The following SLC25A33 variants were observed in gnomAD, a reference collection of about 807,000 sequenced individuals.
SLC25A33 encodes the protein solute carrier family 25 member 33.
In SLC25A33, 15 loss-of-function variants were observed where a neutral mutation model predicts 35.5. The ratio of observed to expected loss-of-function variants is 0.42; its 90% CI spans 0.28 to 0.65. The LOEUF (loss-of-function observed/expected upper bound fraction) is 0.65. Ranked by LOEUF, SLC25A33 falls within the 30% of genes least tolerant of loss-of-function variation. The probability of loss-of-function intolerance (pLI) is 0.20; values close to 1 mark genes in which losing one functional copy is unlikely to be tolerated. For synonymous variants in SLC25A33, 136 were observed against 148.7 expected, an observed-to-expected ratio of 0.91 and a Z score of 0.62; for missense variants, 257 against 398.5, an observed-to-expected ratio of 0.64 and a Z score of 3.02.
rs890223470 is a variant in SLC25A33, at chr1:9,572,594, C to T, written c.416-752C>T. Among the ~76,000 whole-genome samples, 7 of 151,848 alleles carry T rather than the reference C, an allele frequency of 4.6e-5. No individual in the cohort carries two copies. The East Asian group carries it at 9.7e-4, about 21-fold the overall frequency. ...GATCGCGCCACTGCACTCCAGCCTG[C>T]GACAGAGCAAGACTCCCATCTCAAA... is the stretch of plus-strand genomic sequence containing the variant. On this transcript the variant is annotated intron_variant, in intron 4 of 6. Coordinates refer to ENST00000302692, the MANE Select transcript of SLC25A33 (RefSeq NM_032315.3).
chr1:9,565,997 G>C (rs1290933740), intron 2 of SLC25A33, among the ~76,000 whole-genome samples: 4 of 151,986 alleles, frequency 2.6e-5, no homozygotes, highest in Non-Finnish European at 5.9e-5. Flanking sequence ...AAAATTATTA[G>C]TTTTCTATTC....
chr1:9,560,496 G>A (rs1473904106), intron 2 of SLC25A33, among the ~76,000 whole-genome samples: 5 of 151,992 alleles, frequency 3.3e-5, no homozygotes, highest in African/African-American at 4.8e-5. Flanking sequence ...CCCCGGAGGC[G>A]GAGGTTGCAG....
Position 9,567,138 on chromosome 1 carries a change from A to G in SLC25A33, c.237-146A>G, listed in dbSNP as rs1643519667. 4.3e-6 allele frequency: 3 copies of G among 699,086 alleles called. No homozygotes were observed. In the African/African-American group the frequency reaches 5.3e-5, roughly 12 times the overall value. 43.3% of individuals were successfully genotyped at this position (699,086 alleles called of 1,614,324 possible). ...GTATTCTACAGCCTTCCGATTCTGT[A>G]TTGTAACCAAATCAGATAAGAGTCG... On this transcript the variant is annotated intron_variant, in intron 2 of 6. Coordinates refer to ENST00000302692, the MANE Select transcript of SLC25A33 (RefSeq NM_032315.3).
In SLC25A33 at chr1:9,582,728, G is replaced by A. The variant is rs1271159881; in HGVS notation, c.*227G>A. ...TTTTTTTTAACTTAAGAGGATTCAG[G>A]GTTAAGCACCAACTAAATTAAATCA... On this transcript the variant is annotated 3_prime_UTR_variant, in exon 7 of 7. Transcript: ENST00000302692. The surrounding 1 kb of genome is among the most constrained non-coding windows in gnomAD (Gnocchi z 4.0). 6 of 514,446 alleles carry A rather than the reference G, an allele frequency of 1.2e-5. No homozygotes were observed. Among genetic ancestry groups the A allele is most frequent in the Non-Finnish European group, 1.4e-5 (4 of 293,892 alleles). 31.9% of individuals were successfully genotyped at this position (514,446 alleles called of 1,614,324 possible).
chr1:9,555,740 A>C (rs548295080), intron 2 of SLC25A33, among the ~76,000 whole-genome samples: 2 of 152,280 alleles, frequency 1.3e-5, no homozygotes, highest in African/African-American at 4.8e-5. Context: ...GCTGGAGTGC[A>C]GTGGTACGAT....
chr1:9,553,622 A>C lies in SLC25A33; in HGVS notation c.57-4A>C. On this transcript the variant is annotated splice_region_variant and splice_polypyrimidine_tract_variant and intron_variant, in intron 1 of 6. Transcript: ENST00000302692. ...TCTCTGATCTGCTTTGGTTTCCCTT[A>C]CAGGTGTGGAGGCACAGTTGGTGCT... 1 of 1,612,882 alleles carries C rather than the reference A, an allele frequency of 6.2e-7. No individual in the cohort carries two copies. Among genetic ancestry groups the C allele is most frequent in the African/African-American group, 1.3e-5 (1 of 74,998 alleles).
rs1643619430 is a variant in SLC25A33 at position 9,573,554 on chromosome 1, CT to C, written c.482+146del. 9 of 683,142 alleles carry C rather than the reference CT, an allele frequency of 1.3e-5. No homozygotes were observed. The South Asian group carries it at 1.5e-4, about 12-fold the overall frequency. 42.3% of individuals were successfully genotyped at this position (683,142 alleles called of 1,614,324 possible). On this transcript the variant is annotated intron_variant, in intron 5 of 6. Coordinates refer to ENST00000302692, the MANE Select transcript of SLC25A33 (RefSeq NM_032315.3). ...CTTAATCTAAGTGCACGCAGGATTCCTTTTGTGTTGAGGTTTGTGCTATAAG... is the reference window on the plus strand; with the variant it reads ...CTTAATCTAAGTGCACGCAGGATTCCTTTGTGTTGAGGTTTGTGCTATAAG...
At chr1:9,562,810 G>A (rs1273907933) in intron 2 of SLC25A33, among the ~76,000 whole-genome samples, 3 of 145,380 alleles carry the variant, frequency 2.1e-5, no homozygotes, top group Admixed American at 6.9e-5. Flanking sequence ...CCAAGATCGC[G>A]CCATTGCACT....
chr1:9,549,503 A>G, intron 1 of SLC25A33, among the ~76,000 whole-genome samples: 1 of 122,618 alleles, frequency 8.2e-6, no homozygotes, highest in East Asian at 2.9e-4. Context: ...GGTGGGATCA[A>G]CGGGGGGGAT....
intron 2 of SLC25A33, among the ~76,000 whole-genome samples, chr1:9,557,706 T>G (rs185773752): frequency 6.6e-6 from 1 of 152,212 alleles, no homozygotes. Flanking sequence ...TACTTATCAT[T>G]GTAAAAATGT....
chr1:9,567,659 G>A (rs1428756690), intron 3 of SLC25A33, among the ~76,000 whole-genome samples: 1 of 152,212 alleles, frequency 6.6e-6, no homozygotes, highest in African/African-American at 2.4e-5. Flanking sequence ...AGCAGCATTA[G>A]TATTGTATGA....
chr1:9,553,335 C>T (rs2100380291), intron 1 of SLC25A33, among the ~76,000 whole-genome samples: 1 of 150,490 alleles, frequency 6.6e-6, no homozygotes, highest in East Asian at 2.0e-4. Flanking sequence ...CGCCATTCTC[C>T]TGCCTCAGCC....
chr1:9,573,329 G>GTTT lies in SLC25A33; in HGVS notation c.416-7_416-5dup. 10 of 1,229,204 alleles carry GTTT rather than the reference G, an allele frequency of 8.1e-6. No individual in the cohort carries two copies. Among genetic ancestry groups the GTTT allele is most frequent in the South Asian group, 2.8e-5 (2 of 70,558 alleles). The allele number at this position is 1,229,204 out of a possible 1,614,324, so 76.1% of individuals were successfully genotyped here. A position where few individuals can be genotyped will look rare whatever the true frequency, so the allele number is the denominator to read the frequency against. ...ACTATGTACAGTGTTGACCTTTACTGTTTTTTTTTTTTCCAGCTTTTATCA... is the reference window on the plus strand; with the variant it reads ...ACTATGTACAGTGTTGACCTTTACTGTTTTTTTTTTTTTTTCCAGCTTTTATCA... On this transcript the variant is annotated splice_polypyrimidine_tract_variant and intron_variant, in intron 4 of 6. Transcript: ENST00000302692.
chr1:9,567,409 C>G, intron 3 of SLC25A33, 48 bp downstream of exon 3: 1 of 1,543,300 alleles, frequency 6.5e-7, no homozygotes, highest in South Asian at 1.2e-5. Flanking sequence ...GTATGGAATT[C>G]TGGGTCCTTT....
intron 1 of SLC25A33, among the ~76,000 whole-genome samples, chr1:9,543,349 G>A (rs993906994): frequency 3.3e-5 from 5 of 152,006 alleles, no homozygotes; most frequent in African/African-American, 9.7e-5. Context: ...TCACCATGTT[G>A]GACAGGCTGG....
intron 1 of SLC25A33, among the ~76,000 whole-genome samples, chr1:9,551,992 A>C (rs1643272728): frequency 6.6e-6 from 1 of 152,218 alleles, no homozygotes; most frequent in East Asian, 1.9e-4. Context: ...GAATTGTTTA[A>C]GAGATGATGG....
intron 2 of SLC25A33, among the ~76,000 whole-genome samples, chr1:9,566,753 G>A (rs1250217289): frequency 6.6e-6 from 1 of 152,196 alleles, no homozygotes; most frequent in Non-Finnish European, 1.5e-5. Context: ...GGCTGAGGTA[G>A]GAGAAACGCT....
At chr1:9,548,679 C>G (rs755710416) in intron 1 of SLC25A33, among the ~76,000 whole-genome samples, 1 of 152,228 alleles carries the variant, frequency 6.6e-6, no homozygotes, top group Non-Finnish European at 1.5e-5. Flanking sequence ...TGGTGCACAT[C>G]TCTTAGAGTA....
At chr1:9,549,273 C>T (rs1412585089) in intron 1 of SLC25A33, among the ~76,000 whole-genome samples, 1 of 150,902 alleles carries the variant, frequency 6.6e-6, no homozygotes, top group African/African-American at 2.4e-5. Flanking sequence ...CCTGCAAGCT[C>T]CCCAGGGCAA....
Sources: allele counts gnomAD v4.1 joint callset (sites outside exome capture counted in the v4.1 genomes callset), GRCh38; gene constraint gnomAD v4.1.1; non-coding constraint Gnocchi (gnomAD v3.1); transcripts MANE v1.5; gene names NCBI Gene and HGNC (gene_info 2026-07-23, HGNC 2026-07-21).